The following GOSR2 variants were observed in gnomAD, a reference collection of about 807,000 sequenced individuals.
GOSR2 encodes the protein 27 kDa Golgi SNARE protein.
Under a neutral mutation model 27.9 loss-of-function variants are expected in GOSR2, and 20 were observed. The observed-to-expected ratio is 0.72, with a 90% CI of 0.50 to 1.04. GOSR2 has a LOEUF of 1.04. GOSR2 is among the 50% of genes least tolerant of loss of function. The pLI is 0.00. For missense variants in GOSR2, 261 were observed against 270.5 expected (o/e 0.97, Z 0.25); for synonymous variants, 91 against 98.8 (o/e 0.92, Z 0.47).
chr17:46,933,015 A>C (rs2087640695), intron 4 of GOSR2: 3 of 152,296 alleles, frequency 2.0e-5, no homozygotes, highest in Admixed American at 2.0e-4. Context: ...AATTTTCCCA[A>C]GTGTTTCAGG....
chr17:46,927,511 G>A (rs1272398811), intron 1 of GOSR2, among the ~76,000 whole-genome samples: 1 of 152,202 alleles, frequency 6.6e-6, no homozygotes. Context: ...CAGAAAGTTT[G>A]AAAGCTGCTC....
intron 1 of GOSR2, 132 bp from the exon 2 acceptor site, chr17:46,929,388 T>C (rs1254169622): frequency 1.4e-6 from 1 of 701,968 alleles, no homozygotes; most frequent in Non-Finnish European, 2.6e-6. Flanking sequence ...AAGTGCCACA[T>C]ACAAATTTTA....
chr17:46,947,376 C>T (rs1002403831), intron 6 of GOSR2, among the ~76,000 whole-genome samples: 1 of 152,198 alleles, frequency 6.6e-6, no homozygotes, highest in African/African-American at 2.4e-5. Flanking sequence ...TGCCCCAGAT[C>T]TGGTGAAACC....
intron 1 of GOSR2, among the ~76,000 whole-genome samples, chr17:46,928,040 C>T (rs1288773886): frequency 1.3e-5 from 2 of 152,156 alleles, no homozygotes; most frequent in Non-Finnish European, 2.9e-5. Context: ...GTGTCGGCTA[C>T]CTCAGGCTGC....
At position 46,939,055 on chromosome 17, in the gene GOSR2, T is replaced by TTGGCTTTGG; in HGVS notation, c.*296_*297insGGCTTTGGT. 7.9e-7 allele frequency: 1 copy of TTGGCTTTGG among 1,261,906 alleles called. No individual in the cohort carries two copies. The allele number at this position is 1,261,906 out of a possible 1,614,324, so 78.2% of individuals were successfully genotyped here. A position where few individuals can be genotyped will look rare whatever the true frequency, so the allele number is the denominator to read the frequency against. The stretch of plus-strand genomic sequence containing the variant: ...GGAAAGAATGGCTTTGGTGGCTTTG[T>TTGGCTTTGG]TCACATAGCTGATGCGTGCCCTGGG... On this transcript the variant is annotated 3_prime_UTR_variant, in exon 6 of 6. Coordinates refer to ENST00000640051, the MANE Select transcript of GOSR2 (RefSeq NM_004287.5).
intron 5 of GOSR2, chr17:46,937,261 G>A (rs992654236): frequency 6.6e-6 from 1 of 152,124 alleles, no homozygotes; most frequent in Non-Finnish European, 1.5e-5. Flanking sequence ...TCCCACTTGA[G>A]ACCCTCTTGT....
At chr17:46,966,566 C>T (rs1292412480) in exon 7 of GOSR2, 2 of 696,000 alleles carry the variant, frequency 2.9e-6, no homozygotes, top group Admixed American at 4.0e-5. Context: ...CCAGAATGGA[C>T]CCGAACTCCT....
At position 46,938,850 on chromosome 17, in the gene GOSR2, T is replaced by C; in HGVS notation, c.*90T>C. ...GAGAGGGGGGCCCAGAGGCCGCCTT[T>C]TGAAATGTTTGCCTGTCTGAACTGT... On this transcript the variant is annotated 3_prime_UTR_variant, in exon 6 of 6. Coordinates refer to ENST00000640051, the MANE Select transcript of GOSR2 (RefSeq NM_004287.5). The C allele has an allele frequency of 6.3e-7, 1 of 1,597,356 alleles. No homozygotes were observed. Among genetic ancestry groups the C allele is most frequent in the East Asian group, 2.2e-5 (1 of 44,678 alleles).
intron 6 of GOSR2, among the ~76,000 whole-genome samples, chr17:46,972,580 C>T (rs1464265810): frequency 6.6e-6 from 1 of 152,242 alleles, no homozygotes; most frequent in Non-Finnish European, 1.5e-5. Context: ...GGATGTTGGC[C>T]TCTGCCCATC....
chr17:46,944,469 G>T (rs1019157418), downstream of GOSR2, among the ~76,000 whole-genome samples: 1 of 152,186 alleles, frequency 6.6e-6, no homozygotes, highest in Non-Finnish European at 1.5e-5. Context: ...GATTCCAGAG[G>T]TCTGAGGCAG....
intron 1 of GOSR2, among the ~76,000 whole-genome samples, chr17:46,928,960 C>T (rs2086902386): frequency 6.6e-6 from 1 of 152,062 alleles, no homozygotes; most frequent in Non-Finnish European, 1.5e-5. Context: ...CAGAGCTGCC[C>T]CTCTTTCTGT....
intron 5 of GOSR2, chr17:46,936,056 A>G (rs758136318): frequency 5.1e-6 from 5 of 985,692 alleles, no homozygotes; most frequent in South Asian, 4.7e-5. Flanking sequence ...TGCCATCTCT[A>G]CGGGGGAGAG....
chr17:46,970,939 T>C (rs1308701755), downstream of GOSR2, among the ~76,000 whole-genome samples: 2 of 152,230 alleles, frequency 1.3e-5, no homozygotes, highest in African/African-American at 4.8e-5. Context: ...CCTCAAAATA[T>C]GAAAGGCTGC....
intron 2 of GOSR2, 69 bp from the exon 3 acceptor site, chr17:46,931,030 T>G: frequency 1.1e-6 from 1 of 882,222 alleles, no homozygotes; most frequent in South Asian, 1.4e-5. Flanking sequence ...AAAAAATCTG[T>G]GATTTATCAT....
downstream of GOSR2, among the ~76,000 whole-genome samples, chr17:46,970,189 A>G (rs970319492): frequency 6.6e-6 from 1 of 152,106 alleles, no homozygotes; most frequent in Non-Finnish European, 1.5e-5. Flanking sequence ...CATCTCCCCC[A>G]TCATCTCAAA....
chr17:46,965,897 C>T (rs1309055198), intron 6 of GOSR2, among the ~76,000 whole-genome samples: 1 of 151,694 alleles, frequency 6.6e-6, no homozygotes, highest in Non-Finnish European at 1.5e-5. Context: ...TCCCAAAGTG[C>T]TGGGATTACA....
chr17:46,956,153 C>T (rs1398750820), intron 6 of GOSR2, among the ~76,000 whole-genome samples: 4 of 152,100 alleles, frequency 2.6e-5, no homozygotes, highest in African/African-American at 7.2e-5. Context: ...ATTCACAGCA[C>T]ATAAAGCTAG....
intron 6 of GOSR2, among the ~76,000 whole-genome samples, chr17:46,956,869 C>T (rs555418811): frequency 2.0e-5 from 3 of 152,112 alleles, no homozygotes; most frequent in South Asian, 4.1e-4. Context: ...AGCTCCACAG[C>T]GAGCATGTGG....
At chr17:46,970,977 C>G (rs1157223608), downstream of GOSR2, among the ~76,000 whole-genome samples, 1 of 152,200 alleles carries the variant, frequency 6.6e-6, no homozygotes, top group Non-Finnish European at 1.5e-5. Context: ...GTGATTCCTT[C>G]TAGGTTGCAG....
Sources: allele counts gnomAD v4.1 joint callset (sites outside exome capture counted in the v4.1 genomes callset), GRCh38; gene constraint gnomAD v4.1.1; transcripts MANE v1.5; gene names NCBI Gene and HGNC (gene_info 2026-07-23, HGNC 2026-07-21).